CCDC148: variants seen among roughly 807,000 people sequenced by gnomAD.
The protein encoded by CCDC148 is coiled-coil domain containing 148, also known as coiled-coil domain-containing protein 148.
CCDC148 carries 89 observed loss-of-function variants against 85.7 expected under a neutral mutation model. The ratio of observed to expected loss-of-function variants is 1.04; its 90% confidence interval spans 0.87 to 1.24. The LOEUF is 1.24. Ranked by LOEUF, CCDC148 falls within the 50% of genes most tolerant of loss-of-function variation. CCDC148 has a pLI of 0.00. For synonymous variants in CCDC148, 230 were observed against 213.9 expected (o/e 1.08, Z -0.66); for missense variants, 692 against 671.7 (o/e 1.03, Z -0.33).
chr2:158,357,542 A>T (rs1454033190), intron 2 of CCDC148, among the ~76,000 whole-genome samples: 1 of 152,186 alleles, frequency 6.6e-6, no homozygotes, highest in Non-Finnish European at 1.5e-5. Flanking sequence ...TGTTAGGATG[A>T]TAGTAATATA....
At chr2:158,210,768 C>G (rs1187749801) in intron 11 of CCDC148, among the ~76,000 whole-genome samples, 1 of 131,194 alleles carries the variant, frequency 7.6e-6, no homozygotes, top group African/African-American at 3.0e-5. Context: ...ATGCTGAAAC[C>G]GTGTCTCTAC....
At chr2:158,342,230 A>T (rs1454641313) in intron 3 of CCDC148, among the ~76,000 whole-genome samples, 4 of 151,822 alleles carry the variant, frequency 2.6e-5, no homozygotes, top group African/African-American at 9.7e-5. Flanking sequence ...GGGTTTCACC[A>T]TGTTGGCTAG....
intron 1 of CCDC148, among the ~76,000 whole-genome samples, chr2:158,417,489 G>T (rs1393693185): frequency 6.6e-6 from 1 of 152,160 alleles, no homozygotes; most frequent in African/African-American, 2.4e-5. Flanking sequence ...GTACCTTTCT[G>T]CCCAATATAG....
intron 10 of CCDC148, among the ~76,000 whole-genome samples, chr2:158,228,199 A>AT (rs1396948834): frequency 7.9e-5 from 12 of 152,240 alleles, no homozygotes; most frequent in African/African-American, 2.9e-4. Context: ...CAAAAGACAC[A>AT]GGAAAAAATG....
At chr2:158,258,322 T>C (rs1689090248) in intron 9 of CCDC148, among the ~76,000 whole-genome samples, 1 of 151,860 alleles carries the variant, frequency 6.6e-6, no homozygotes, top group Admixed American at 6.6e-5. Context: ...TATGGCTCTG[T>C]GATAATAAAG....
chr2:158,225,079 C>T (rs1294493073), intron 10 of CCDC148, among the ~76,000 whole-genome samples: 2 of 152,142 alleles, frequency 1.3e-5, no homozygotes, highest in Admixed American at 6.5e-5. Flanking sequence ...AAGAGACACA[C>T]ATAGGCTCAA....
intron 8 of CCDC148, among the ~76,000 whole-genome samples, chr2:158,312,595 AAACC>A (rs1692085373): frequency 6.6e-6 from 1 of 150,440 alleles, no homozygotes; most frequent in Non-Finnish European, 1.5e-5. Context: ...AAAAAAAAAA[AAACC>A]AAAAAACAAA....
chr2:158,370,438 T>C (rs915880382), intron 1 of CCDC148, among the ~76,000 whole-genome samples: 4 of 152,232 alleles, frequency 2.6e-5, no homozygotes, highest in African/African-American at 9.6e-5. Flanking sequence ...GATTCTTGTA[T>C]TATAATGAAA....
intron 9 of CCDC148, among the ~76,000 whole-genome samples, chr2:158,264,954 GA>G (rs908553336): frequency 5.9e-5 from 9 of 152,012 alleles, no homozygotes; most frequent in African/African-American, 2.2e-4. Flanking sequence ...ACTTCTAAAT[GA>G]CAGCTCCACC....
chr2:158,174,140 T>C (rs1684455194), intron 13 of CCDC148, among the ~76,000 whole-genome samples: 1 of 152,082 alleles, frequency 6.6e-6, no homozygotes, highest in Non-Finnish European at 1.5e-5. Context: ...TACTACTGGG[T>C]ACCAAGAAAT....
intron 12 of CCDC148, among the ~76,000 whole-genome samples, chr2:158,177,850 G>C (rs1684671295): frequency 6.6e-6 from 1 of 152,014 alleles, no homozygotes; most frequent in Non-Finnish European, 1.5e-5. Flanking sequence ...CTAGCTGTGT[G>C]ACTTTGAAGA....
chr2:158,271,084 T>A (rs1689677425), intron 9 of CCDC148, among the ~76,000 whole-genome samples: 1 of 152,210 alleles, frequency 6.6e-6, no homozygotes. Context: ...ACATAGTGCC[T>A]TTGTGAAATT....
At chr2:158,294,800 G>T (rs964057605) in intron 9 of CCDC148, among the ~76,000 whole-genome samples, 1 of 148,094 alleles carries the variant, frequency 6.8e-6, no homozygotes, top group Non-Finnish European at 1.5e-5. Flanking sequence ...CTCCAGCCTG[G>T]GTGACAGAGC....
At chr2:158,279,906 C>A (rs949818568) in intron 9 of CCDC148, among the ~76,000 whole-genome samples, 1 of 151,420 alleles carries the variant, frequency 6.6e-6, no homozygotes, top group Non-Finnish European at 1.5e-5. Context: ...AAGGGAAACC[C>A]ATCAGACTAA....
At chr2:158,264,795 T>C (rs1251918522) in intron 9 of CCDC148, among the ~76,000 whole-genome samples, 1 of 152,114 alleles carries the variant, frequency 6.6e-6, no homozygotes, top group African/African-American at 2.4e-5. Context: ...TATACTGATA[T>C]TACAATACGT....
At position 158,394,980 on chromosome 2, in the gene CCDC148, CTTTGT is replaced by C. The variant is rs552066194; in HGVS notation, c.26-36415_26-36411del. Among the ~76,000 whole-genome samples, 412 of 152,166 alleles carry C rather than the reference CTTTGT, an allele frequency of 2.7e-3. 2 individuals carry two copies. The highest frequency in any genetic ancestry group is 8.9e-3 in the African/African-American group (371 of 41,540). The stretch of plus-strand genomic sequence containing the variant: ...AGCTATTTTGTGATTATTTCTTCAG[CTTTGT>C]TTTCTCTTTAATTATTGACAGAGTC... On this transcript the variant is annotated intron_variant, in intron 1 of 13. Coordinates refer to ENST00000283233, the MANE Select transcript of CCDC148 (RefSeq NM_138803.4).
intron 11 of CCDC148, among the ~76,000 whole-genome samples, chr2:158,187,880 T>C (rs1307089785): frequency 1.3e-5 from 2 of 152,012 alleles, no homozygotes; most frequent in Non-Finnish European, 2.9e-5. Flanking sequence ...GTTCTTTATG[T>C]AAGTTCAGGA....
chr2:158,176,500 C>T (rs780897866), intron 13 of CCDC148, 21 bp downstream of exon 13: 3 of 1,606,998 alleles, frequency 1.9e-6, no homozygotes, highest in African/African-American at 2.7e-5. Flanking sequence ...TTTCATCAGT[C>T]ATGCTAATTT....
intron 9 of CCDC148, among the ~76,000 whole-genome samples, chr2:158,263,695 A>G (rs1689335342): frequency 6.6e-6 from 1 of 151,996 alleles, no homozygotes; most frequent in Non-Finnish European, 1.5e-5. Flanking sequence ...TGATTCTGCA[A>G]TTCTGGGCTT....
Sources: gnomAD v4.1 joint callset for allele counts (sites outside exome capture counted in the v4.1 genomes callset) on GRCh38, gnomAD v4.1.1 for gene constraint, MANE v1.5 for transcripts, NCBI Gene and HGNC (gene_info 2026-07-23, HGNC 2026-07-21) for gene names.